MYO5C: variants seen among roughly 807,000 people sequenced by gnomAD.
MYO5C encodes the protein unconventional myosin-Vc.
In MYO5C, 194 loss-of-function variants were observed where a neutral mutation model predicts 235.7. The observed-to-expected ratio is 0.82, with a 90% CI of 0.73 to 0.93. The LOEUF (loss-of-function observed/expected upper bound fraction) is 0.93. MYO5C is among the 40% of genes least tolerant of loss of function. The pLI, the probability that MYO5C is intolerant of heterozygous loss-of-function variation, is 0.00. For synonymous variants in MYO5C, 707 were observed against 754.8 expected, an observed-to-expected ratio of 0.94 and a Z score of 1.04; for missense variants, 2,038 against 2,127.2, an observed-to-expected ratio of 0.96 and a Z score of 0.82.
intron 2 of MYO5C, 124 bp downstream of exon 2, chr15:52,282,658 G>A: frequency 1.5e-6 from 1 of 684,216 alleles, no homozygotes; most frequent in Non-Finnish European, 2.7e-6. Flanking sequence ...TGGGAATGGT[G>A]CTGGTGCCCA....
In MYO5C at chr15:52,252,501, C is replaced by T. The variant is rs539341910; in HGVS notation, c.1536+816G>A. 7.3e-5 allele frequency among the ~76,000 whole-genome samples: 11 copies of T among 151,676 alleles called. No homozygotes were observed. The East Asian group carries it at 7.8e-4, about 11-fold the overall frequency. ...ACTAAAAATACAAAAATTGGCCGGG[C>T]GCAGTGGCTCATGCCTGTAATCCCA... On this transcript the variant is annotated intron_variant, in intron 12 of 40. Transcript: ENST00000261839.
chr15:52,209,680 G>A (rs1197533569), intron 35 of MYO5C, among the ~76,000 whole-genome samples: 1 of 152,130 alleles, frequency 6.6e-6, no homozygotes, highest in Non-Finnish European at 1.5e-5. Flanking sequence ...TGTGTCCTGG[G>A]CTGGAACACA....
At chr15:52,282,381 C>T (rs985558484) in intron 2 of MYO5C, among the ~76,000 whole-genome samples, 30 of 152,212 alleles carry the variant, frequency 2.0e-4, no homozygotes, top group Admixed American at 1.3e-3. Context: ...TCTCTACCAG[C>T]GTATGCCTTG....
chr15:52,229,907 G>C (rs1026084914), intron 24 of MYO5C, among the ~76,000 whole-genome samples: 1 of 152,128 alleles, frequency 6.6e-6, no homozygotes, highest in African/African-American at 2.4e-5. Flanking sequence ...CTGGGTTTTG[G>C]GGCACTGTAT....
intron 13 of MYO5C, among the ~76,000 whole-genome samples, chr15:52,249,885 T>C (rs1250924539): frequency 6.6e-6 from 1 of 152,206 alleles, no homozygotes; most frequent in African/African-American, 2.4e-5. Flanking sequence ...GCCAATGAGA[T>C]TGAAAACCTA....
chr15:52,218,850 A>G (rs2035612587), intron 31 of MYO5C, among the ~76,000 whole-genome samples, 163 bp from the exon 32 acceptor site: 1 of 152,248 alleles, frequency 6.6e-6, no homozygotes, highest in South Asian at 2.1e-4. Flanking sequence ...CAGGGGAAAG[A>G]AAAGAGACCA....
At chr15:52,285,855 A>C (rs1417033661) in intron 1 of MYO5C, among the ~76,000 whole-genome samples, 1 of 152,124 alleles carries the variant, frequency 6.6e-6, no homozygotes, top group Admixed American at 6.5e-5. Context: ...TTGGCCTCCC[A>C]AAGTGCCGAG....
At chr15:52,283,119 T>C (rs2037194505) in intron 1 of MYO5C, among the ~76,000 whole-genome samples, 1 of 152,110 alleles carries the variant, frequency 6.6e-6, no homozygotes, top group African/African-American at 2.4e-5. Flanking sequence ...TAGATAAACC[T>C]TGAACGCTGA....
intron 38 of MYO5C, among the ~76,000 whole-genome samples, chr15:52,199,756 T>C (rs2035142497): frequency 6.6e-6 from 1 of 152,156 alleles, no homozygotes; most frequent in Admixed American, 6.5e-5. Context: ...AGAAGGAACC[T>C]AAAACTCGAA....
intron 1 of MYO5C, among the ~76,000 whole-genome samples, chr15:52,294,525 A>G (rs2037458170): frequency 6.6e-6 from 1 of 152,224 alleles, no homozygotes; most frequent in South Asian, 2.1e-4. Flanking sequence ...ATGATTTTTT[A>G]AATAACTATC....
chr15:52,285,470 C>A (rs1395708501), intron 1 of MYO5C, among the ~76,000 whole-genome samples: 8 of 150,440 alleles, frequency 5.3e-5, no homozygotes, highest in African/African-American at 1.2e-4. Flanking sequence ...CGTCTCCCTC[C>A]TCTCCCTCCT....
chr15:52,232,310 A>AGGAGAGAAGGAAGGG (rs2035978548), intron 24 of MYO5C, among the ~76,000 whole-genome samples: 1 of 7,880 alleles, frequency 1.3e-4, no homozygotes, highest in Non-Finnish European at 5.1e-4. Context: ...AGAAGGAAGG[A>AGGAGAGAAGGAAGGG]AGGAGAGAAG....
rs902336512 is a variant in MYO5C at position 52,223,678 on chromosome 15, C to G, written c.3493G>C (p.Glu1165Gln). ...FQSQKDCYEK[E>Q]IEALNFKVVH... Reference sequence around the variant, plus strand: ...ACTTTGAAGTTCAAAGCTTCAATCTCCTTTTCATAGCAATCCTTCTGAGAC... The same window carrying G: ...ACTTTGAAGTTCAAAGCTTCAATCTGCTTTTCATAGCAATCCTTCTGAGAC... The change falls in exon 29 of 41, where the codon GAG becomes CAG. Residue 1165 changes from glutamate (E) to glutamine (Q), a missense_variant. Transcript: ENST00000261839. 2 of 1,614,154 alleles carry G rather than the reference C, an allele frequency of 1.2e-6. No homozygotes were observed. Among genetic ancestry groups the G allele is most frequent in the Middle Eastern group, 1.6e-4 (1 of 6,062 alleles).
intron 16 of MYO5C, 85 bp from the exon 17 acceptor site, chr15:52,246,127 T>C (rs2036338705): frequency 9.9e-7 from 1 of 1,011,616 alleles, no homozygotes; most frequent in African/African-American, 1.6e-5. Context: ...CTGGCTAGAC[T>C]GTGACCCTAT....
chr15:52,256,904 G>C (rs532683392), intron 10 of MYO5C, 184 bp from the exon 11 acceptor site: 23 of 541,234 alleles, frequency 4.2e-5, no homozygotes, highest in South Asian at 2.9e-4. Flanking sequence ...CCCTTTTCCT[G>C]GTTGTCCCCC....
intron 5 of MYO5C, among the ~76,000 whole-genome samples, chr15:52,275,287 T>C (rs2037016483): frequency 6.6e-6 from 1 of 152,228 alleles, no homozygotes; most frequent in African/African-American, 2.4e-5. Flanking sequence ...CCAGTGATGT[T>C]TGGTTTCCCC....
At chr15:52,195,267 A>G in intron 40 of MYO5C, 110 bp downstream of exon 40, 1 of 712,136 alleles carries the variant, frequency 1.4e-6, no homozygotes, top group Non-Finnish European at 2.2e-6. Context: ...TCATTTGTAT[A>G]TGTGGGTAAA....
rs1425991001 is a variant in MYO5C, at chr15:52,193,687, T to C, written c.*215A>G. ...CCAGCTGAGATTCGAGAGTGAGACA[T>C]GGCTTTTCCAAATACAGCTGGTGTG... On this transcript the variant is annotated 3_prime_UTR_variant, in exon 41 of 41. Coordinates refer to ENST00000261839, the MANE Select transcript of MYO5C (RefSeq NM_018728.4). 4.8e-5 allele frequency: 25 copies of C among 523,726 alleles called. No homozygotes were observed. Among genetic ancestry groups the C allele is most frequent in the Non-Finnish European group, 6.6e-6 (2 of 302,380 alleles). 32.4% of individuals were successfully genotyped at this position (523,726 alleles called of 1,614,324 possible).
chr15:52,287,285 C>A (rs2037296766), intron 1 of MYO5C, among the ~76,000 whole-genome samples: 1 of 152,150 alleles, frequency 6.6e-6, no homozygotes, highest in African/African-American at 2.4e-5. Flanking sequence ...ACGATGGAGG[C>A]CTCATAAAGA....
Sources: allele counts gnomAD v4.1 joint callset (sites outside exome capture counted in the v4.1 genomes callset), GRCh38; gene constraint gnomAD v4.1.1; transcripts MANE v1.5; gene names NCBI Gene and HGNC (gene_info 2026-07-23, HGNC 2026-07-21).